The following NCOR2 variants were observed in gnomAD, a reference collection of about 807,000 sequenced individuals.
The protein encoded by NCOR2 is nuclear receptor corepressor 2.
In NCOR2, 81 loss-of-function variants were observed where a neutral mutation model predicts 262.9. The ratio of observed to expected loss-of-function variants is 0.31; its 90% CI spans 0.26 to 0.37. The LOEUF (loss-of-function observed/expected upper bound fraction) is 0.37. Ranked by LOEUF, NCOR2 falls within the 10% of genes least tolerant of loss-of-function variation. The pLI is 1.00. For missense variants in NCOR2, 3,385 were observed against 3,621.4 expected (o/e 0.93, Z 1.68); for synonymous variants, 1,659 against 1,559.3 (o/e 1.06, Z -1.51).
chr12:124,414,169 G>A (rs1434540782), intron 13 of NCOR2, among the ~76,000 whole-genome samples: 1 of 152,208 alleles, frequency 6.6e-6, no homozygotes, highest in Non-Finnish European at 1.5e-5. Flanking sequence ...TGCTGCCGAG[G>A]GGACGGCTGG....
chr12:124,414,542 G>A (rs1424689115), intron 13 of NCOR2, among the ~76,000 whole-genome samples: 3 of 152,208 alleles, frequency 2.0e-5, no homozygotes, highest in Non-Finnish European at 4.4e-5. Flanking sequence ...AGCCATCAAG[G>A]GGTCCAATGC....
At chr12:124,411,042 C>A (rs567588899) in intron 13 of NCOR2, among the ~76,000 whole-genome samples, 233 of 20,372 alleles carry the variant, frequency 0.011, 2 homozygotes, top group African/African-American at 0.042. Flanking sequence ...GGGGAGGGGG[C>A]GGGGGAGGAG....
At chr12:124,567,402 C>A (rs1310297857) in exon 1 of NCOR2, 3 of 150,922 alleles carry the variant, frequency 2.0e-5, no homozygotes, top group Non-Finnish European at 3.0e-5. Flanking sequence ...GCTGGGGGCG[C>A]GCAGCAGGCC....
At chr12:124,331,273 G>A (rs1220797483) in intron 43 of NCOR2, among the ~76,000 whole-genome samples, 1 of 152,042 alleles carries the variant, frequency 6.6e-6, no homozygotes, top group Non-Finnish European at 1.5e-5. Flanking sequence ...ATGTTGGTCA[G>A]GCTGGTCTCA....
chr12:124,373,035 T>TGGTTTTCCCATCTGCAGATGG (rs1449295105), intron 19 of NCOR2, among the ~76,000 whole-genome samples: 3 of 152,242 alleles, frequency 2.0e-5, no homozygotes, highest in African/African-American at 7.2e-5. Flanking sequence ...GGTTACCTCT[T>TGGTTTTCCCATCTGCAGATGG]GGGCCTCAGT....
intron 18 of NCOR2, among the ~76,000 whole-genome samples, chr12:124,376,206 A>AGCCTCAGCTCCAGCC (rs1315970365): frequency 2.0e-5 from 3 of 152,194 alleles, no homozygotes; most frequent in African/African-American, 7.2e-5. Flanking sequence ...CTGTCACAGA[A>AGCCTCAGCTCCAGCC]GCCTCAGCTC....
chr12:124,488,700 G>C (rs370708145), intron 1 of NCOR2, among the ~76,000 whole-genome samples: 1 of 152,226 alleles, frequency 6.6e-6, no homozygotes, highest in Non-Finnish European at 1.5e-5. Flanking sequence ...CACACACACA[G>C]AGGTGTGAGA....
intron 6 of NCOR2, among the ~76,000 whole-genome samples, chr12:124,455,393 G>C (rs1180744556): frequency 2.0e-5 from 3 of 152,226 alleles, no homozygotes; most frequent in African/African-American, 7.2e-5. Context: ...TGTGCCTGGA[G>C]GGGGCAGAGC....
At chr12:124,345,068 G>A in intron 31 of NCOR2, 117 bp from the exon 34 acceptor site, 2 of 914,836 alleles carry the variant, frequency 2.2e-6, no homozygotes, top group Non-Finnish European at 3.2e-6. Context: ...GACATCTGAT[G>A]CCTCCAGAGG....
chr12:124,451,806 C>G (rs2136513947), intron 6 of NCOR2, among the ~76,000 whole-genome samples: 1 of 152,164 alleles, frequency 6.6e-6, no homozygotes, highest in East Asian at 1.9e-4. Flanking sequence ...CTGAACACAC[C>G]TCCTGATGAC....
At chr12:124,442,761 A>T (rs959125978) in intron 7 of NCOR2, among the ~76,000 whole-genome samples, 3 of 152,198 alleles carry the variant, frequency 2.0e-5, no homozygotes, top group Non-Finnish European at 2.9e-5. Flanking sequence ...CCAGCACCTC[A>T]AAACATGACC....
intron 13 of NCOR2, among the ~76,000 whole-genome samples, chr12:124,416,780 T>C (rs3825120): frequency 0.043 from 4,955 of 114,168 alleles, 254 homozygotes; most frequent in African/African-American, 0.14. Flanking sequence ...GCAGCACAGA[T>C]AGACCCGTGG....
At chr12:124,499,209 G>A (rs1204631433), upstream of NCOR2, among the ~76,000 whole-genome samples, 3 of 152,270 alleles carry the variant, frequency 2.0e-5, no homozygotes. Flanking sequence ...AGGGTCTCCA[G>A]GATCTGGTCC....
chr12:124,404,240 G>C (rs984770016), intron 13 of NCOR2, among the ~76,000 whole-genome samples: 1 of 152,198 alleles, frequency 6.6e-6, no homozygotes, highest in Non-Finnish European at 1.5e-5. Flanking sequence ...GCTGGGGAGA[G>C]AGCCTTGGCC....
chr12:124,472,848 C>T (rs2046899878), intron 4 of NCOR2, 104 bp downstream of exon 6: 6 of 1,497,228 alleles, frequency 4.0e-6, no homozygotes, highest in Non-Finnish European at 5.5e-6. Context: ...CAGTGAGCAC[C>T]CAGGAACTTG....
intron 8 of NCOR2, among the ~76,000 whole-genome samples, chr12:124,435,236 C>A (rs1214916687): frequency 6.6e-6 from 1 of 152,244 alleles, no homozygotes; most frequent in Non-Finnish European, 1.5e-5. Context: ...CTGTGCAGCT[C>A]TTCTCCCCAG....
intron 13 of NCOR2, among the ~76,000 whole-genome samples, chr12:124,409,916 C>T (rs887974348): frequency 2.0e-5 from 3 of 151,870 alleles, no homozygotes; most frequent in African/African-American, 4.8e-5. Context: ...TGGGCTCAAG[C>T]GATCCACCTA....
In NCOR2 at chr12:124,368,890, T is replaced by TGCCATC. The variant is rs544254735; in HGVS notation, c.2807+3126_2807+3131dup. Among the ~76,000 whole-genome samples the TGCCATC allele has an allele frequency of 2.8e-3, 433 of 152,382 alleles. 1 individual carries two copies. The highest frequency in any genetic ancestry group is 4.9e-3 in the Non-Finnish European group (333 of 68,040). ...GCCCCCGGCGCCTGGCGCATGCTGG[T>TGCCATC]GCCATCAGTCACTTGCAGAATAAAG... On this transcript the variant is annotated intron_variant, in intron 20 of 46. Coordinates refer to ENST00000405201, the Ensembl canonical transcript of NCOR2.
At chr12:124,553,274 C>G (rs1355498630) in intron 1 of NCOR2, among the ~76,000 whole-genome samples, 5 of 152,204 alleles carry the variant, frequency 3.3e-5, no homozygotes, top group African/African-American at 4.8e-5. Flanking sequence ...AGGATAATCT[C>G]CCATCTCAAG....
Sources: allele counts gnomAD v4.1 joint callset (sites outside exome capture counted in the v4.1 genomes callset), GRCh38; gene constraint gnomAD v4.1.1; transcripts MANE v1.5; gene names NCBI Gene and HGNC (gene_info 2026-07-23, HGNC 2026-07-21).